The following PHKA1 variants were observed in gnomAD, a reference collection of about 807,000 sequenced individuals.
PHKA1 encodes phosphorylase b kinase regulatory subunit alpha, skeletal muscle isoform.
PHKA1 carries 60 observed loss-of-function variants against 110.2 expected under a neutral mutation model. The ratio of observed to expected loss-of-function variants is 0.54; its 90% confidence interval spans 0.44 to 0.68. The LOEUF is 0.68. Ranked by LOEUF, PHKA1 falls within the 30% of genes least tolerant of loss-of-function variation. The pLI is 0.00. For missense variants in PHKA1, 801 were observed against 942.5 expected, an observed-to-expected ratio of 0.85 and a Z score of 1.97; for synonymous variants, 316 against 333.6, an observed-to-expected ratio of 0.95 and a Z score of 0.58.
At chrX:72,680,602 G>A (rs1171932220) in intron 5 of PHKA1, among the ~76,000 whole-genome samples, 2 of 105,845 alleles carry the variant, frequency 1.9e-5, no homozygotes, top group African/African-American at 7.5e-5. Context: ...TTTCGAGGGA[G>A]CCCGTCTGGC....
chrX:72,679,372 C>A (rs2147797719), intron 5 of PHKA1, among the ~76,000 whole-genome samples: 1 of 109,155 alleles, frequency 9.2e-6, no homozygotes, highest in Admixed American at 1.0e-4. Flanking sequence ...AGGAATACAA[C>A]AATATCTAGG....
intron 4 of PHKA1, among the ~76,000 whole-genome samples, chrX:72,687,858 G>A (rs1474015225): frequency 6.8e-5 from 7 of 102,756 alleles, no homozygotes; most frequent in African/African-American, 1.8e-4. Context: ...ACAGAGTCTC[G>A]CTCTGTTGCC....
chrX:72,696,683 C>T (rs1393549862), intron 3 of PHKA1, among the ~76,000 whole-genome samples: 2 of 111,803 alleles, frequency 1.8e-5, no homozygotes, highest in South Asian at 3.8e-4. Context: ...TGTGCCCCAA[C>T]TATTTTGGGC....
intron 12 of PHKA1, among the ~76,000 whole-genome samples, chrX:72,651,302 T>C (rs2053426730): frequency 9.0e-6 from 1 of 111,263 alleles, no homozygotes; most frequent in Non-Finnish European, 1.9e-5. Context: ...TTTGGGAGGC[T>C]GAGGAGGGCG....
intron 1 of PHKA1, 109 bp downstream of exon 1, chrX:72,713,694 A>ACACACACC (rs2054418478): frequency 1.7e-6 from 1 of 602,539 alleles, no homozygotes; most frequent in Non-Finnish European, 2.8e-6. Flanking sequence ...ACACACACAC[A>ACACACACC]CACACACCCA....
chrX:72,708,065 T>C (rs2054316948), intron 2 of PHKA1: 2 of 110,888 alleles, frequency 1.8e-5, no homozygotes, highest in Non-Finnish European at 3.8e-5. Flanking sequence ...TGAAAGGGAA[T>C]AGGCAGGTAG....
chrX:72,698,554 G>T (rs2054160283), intron 3 of PHKA1, among the ~76,000 whole-genome samples: 1 of 112,189 alleles, frequency 8.9e-6, no homozygotes, highest in African/African-American at 3.2e-5. Context: ...TGGCATAGGG[G>T]TTACAAACTA....
chrX:72,705,035 A>G (rs897857783), intron 3 of PHKA1, among the ~76,000 whole-genome samples, 163 bp downstream of exon 3: 10 of 112,609 alleles, frequency 8.9e-5, no homozygotes, highest in Non-Finnish European at 1.9e-4. Context: ...ACATTGTGAG[A>G]TTATGGGTGA....
intron 2 of PHKA1, among the ~76,000 whole-genome samples, chrX:72,710,936 A>G (rs2147851262): frequency 9.5e-6 from 1 of 104,716 alleles, no homozygotes; most frequent in East Asian, 3.0e-4. Flanking sequence ...ATCTCGGCTC[A>G]CTGCAAGCTC....
intron 10 of PHKA1, 118 bp downstream of exon 10, chrX:72,656,002 A>G (rs1322949231): frequency 1.3e-6 from 1 of 770,196 alleles, no homozygotes; most frequent in Non-Finnish European, 2.0e-6. Flanking sequence ...GCCTGTAGGG[A>G]ACAACTGTCT....
chrX:72,666,365 C>A, intron 7 of PHKA1, 68 bp from the exon 8 acceptor site: 1 of 902,329 alleles, frequency 1.1e-6, no homozygotes, highest in Non-Finnish European at 1.6e-6. Flanking sequence ...AATATCTTAT[C>A]AACACACATG....
chrX:72,664,814 T>C (rs2053600180), intron 8 of PHKA1, among the ~76,000 whole-genome samples: 1 of 111,726 alleles, frequency 9.0e-6, no homozygotes, highest in Non-Finnish European at 1.9e-5. Context: ...TGCTCCTCAA[T>C]GACCAACGAG....
At chrX:72,706,026 G>A (rs2054279008) in intron 2 of PHKA1, among the ~76,000 whole-genome samples, 1 of 111,643 alleles carries the variant, frequency 9.0e-6, no homozygotes, top group South Asian at 3.8e-4. Context: ...GTTACTCCAG[G>A]GTATGCTGGC....
intron 16 of PHKA1, among the ~76,000 whole-genome samples, chrX:72,630,319 G>GAA (rs1326329138): frequency 9.2e-6 from 1 of 108,916 alleles, no homozygotes; most frequent in African/African-American, 3.4e-5. Context: ...GAGAGAGAGA[G>GAA]AGAAAGAAAG....
intron 9 of PHKA1, among the ~76,000 whole-genome samples, chrX:72,656,542 A>T (rs1167211913): frequency 8.9e-6 from 1 of 112,444 alleles, no homozygotes; most frequent in Non-Finnish European, 1.9e-5. Context: ...ACAAGTAGAA[A>T]TGTTTAGAAG....
intron 1 of PHKA1, among the ~76,000 whole-genome samples, chrX:72,713,178 T>C (rs1443307544): frequency 2.7e-5 from 3 of 112,262 alleles, no homozygotes; most frequent in African/African-American, 9.7e-5. Context: ...TACAACATGA[T>C]GATTTATGTA....
chrX:72,668,295 T>G (rs1426939864), intron 6 of PHKA1, among the ~76,000 whole-genome samples: 2 of 111,896 alleles, frequency 1.8e-5, no homozygotes, highest in African/African-American at 6.5e-5. Flanking sequence ...TTGTATTCAT[T>G]TTGAGTTATT....
At chrX:72,711,530 G>A (rs1351644299) in intron 2 of PHKA1, among the ~76,000 whole-genome samples, 1 of 111,457 alleles carries the variant, frequency 9.0e-6, no homozygotes, top group African/African-American at 3.3e-5. Context: ...AGATCACAAG[G>A]TCAGGAGATT....
At chrX:72,590,736 C>G (rs1406790935) in intron 29 of PHKA1, among the ~76,000 whole-genome samples, 1 of 112,048 alleles carries the variant, frequency 8.9e-6, no homozygotes, top group Non-Finnish European at 1.9e-5. Context: ...ACAACCCCAT[C>G]AAAAAGTGGG....
Sources: gnomAD v4.1 joint callset for allele counts (sites outside exome capture counted in the v4.1 genomes callset) on GRCh38, gnomAD v4.1.1 for gene constraint, MANE v1.5 for transcripts, NCBI Gene and HGNC (gene_info 2026-07-23, HGNC 2026-07-21) for gene names.